FAM241A: variants seen among roughly 807,000 people sequenced by gnomAD.
FAM241A encodes uncharacterized protein FAM241A.
FAM241A carries 7 observed loss-of-function variants against 12.2 expected under a neutral mutation model. The observed-to-expected ratio is 0.58, with a 90% CI of 0.33 to 1.08. The LOEUF (loss-of-function observed/expected upper bound fraction) is 1.08. Among genes scored for constraint, FAM241A ranks in the 50% least tolerant of loss-of-function variants. The probability of loss-of-function intolerance (pLI) is 0.04; values close to 1 mark genes in which losing one functional copy is unlikely to be tolerated. For missense variants in FAM241A, 161 were observed against 169.7 expected, an observed-to-expected ratio of 0.95 and a Z score of 0.29; for synonymous variants, 74 against 68.2, an observed-to-expected ratio of 1.08 and a Z score of -0.42.
intron 1 of FAM241A, among the ~76,000 whole-genome samples, chr4:112,148,715 G>A (rs1475388272): frequency 6.6e-6 from 1 of 152,172 alleles, no homozygotes; most frequent in African/African-American, 2.4e-5. Context: ...TATATGTGTT[G>A]GTAATTGTGT....
Position 112,192,231 on chromosome 4 carries a change from CAAAAAGGATA to C in FAM241A, c.*5294_*5303del, listed in dbSNP as rs943069520. 9 of 151,952 alleles carry C rather than the reference CAAAAAGGATA, an allele frequency of 5.9e-5. No individual in the cohort carries two copies. The highest frequency in any genetic ancestry group is 2.2e-4 in the African/African-American group (9 of 41,354). The allele number at this position is 151,952 out of a possible 1,614,324, so 9.4% of individuals were successfully genotyped here. On this transcript the variant is annotated 3_prime_UTR_variant, in exon 2 of 2. Transcript: ENST00000309733. ...ATGTTTGGTTGATTCACTATTTTTC[CAAAAAGGATA>C]TTTTACAATACCTACGGTCACTGAT... is the stretch of plus-strand genomic sequence containing the variant.
rs183489467 is a variant in FAM241A at position 112,187,148 on chromosome 4, A to G, written c.*210A>G. On this transcript the variant is annotated 3_prime_UTR_variant, in exon 2 of 2. Coordinates refer to ENST00000309733, the MANE Select transcript of FAM241A (RefSeq NM_152400.3). ...ATATATTTTGAATATACATTAGCTT[A>G]TTCAAAACTCTTGTTTCACTACTGT... The G allele has an allele frequency of 6.0e-4, 332 of 551,918 alleles. 3 individuals are homozygous for G. In the East Asian group the frequency reaches 0.01, roughly 17 times the overall value. 34.2% of individuals were successfully genotyped at this position (551,918 alleles called of 1,614,324 possible). A position where few individuals can be genotyped will look rare whatever the true frequency, so the allele number is the denominator to read the frequency against.
At chr4:112,173,032 C>T (rs1723755196) in intron 1 of FAM241A, among the ~76,000 whole-genome samples, 1 of 152,098 alleles carries the variant, frequency 6.6e-6, no homozygotes, top group Non-Finnish European at 1.5e-5. Flanking sequence ...GGACTACAGG[C>T]ACACACCACC....
At position 112,187,655 on chromosome 4, in the gene FAM241A, T is replaced by C. The variant is rs999314345; in HGVS notation, c.*717T>C. ...TCAGACAATTTTGGTGCTAATTACTTTTTGTGAGTTTTTAAAGTCTCATAG... is the reference window on the plus strand; with the variant it reads ...TCAGACAATTTTGGTGCTAATTACTCTTTGTGAGTTTTTAAAGTCTCATAG... On this transcript the variant is annotated 3_prime_UTR_variant, in exon 2 of 2. Transcript: ENST00000309733. 1 of 152,134 alleles carries C rather than the reference T, an allele frequency of 6.6e-6. No homozygotes were observed. The highest frequency in any genetic ancestry group is 1.5e-5 in the Non-Finnish European group (1 of 67,786). 9.4% of individuals were successfully genotyped at this position (152,134 alleles called of 1,614,324 possible). A position where few individuals can be genotyped will look rare whatever the true frequency, so the allele number is the denominator to read the frequency against.
At chr4:112,171,592 G>C (rs1723721259) in intron 1 of FAM241A, 1 of 629,088 alleles carries the variant, frequency 1.6e-6, no homozygotes. Flanking sequence ...GGGTGCGGTG[G>C]CTCACGCCTG....
At chr4:112,179,352 TATACACC>T (rs1560585242) in intron 1 of FAM241A, among the ~76,000 whole-genome samples, 1 of 152,172 alleles carries the variant, frequency 6.6e-6, no homozygotes, top group Non-Finnish European at 1.5e-5. Flanking sequence ...ATGTGGCACA[TATACACC>T]ATGGAGTACT....
Position 112,188,467 on chromosome 4 carries a change from A to G in FAM241A, c.*1529A>G, listed in dbSNP as rs894419868. ...AGTCAGGGTCACTAAAAAGTATTGC[A>G]CATTTATATAAATACAGTCCTTTTA... On this transcript the variant is annotated 3_prime_UTR_variant, in exon 2 of 2. Transcript: ENST00000309733. 3 of 152,212 alleles carry G rather than the reference A, an allele frequency of 2.0e-5. No individual in the cohort carries two copies. The highest frequency in any genetic ancestry group is 7.2e-5 in the African/African-American group (3 of 41,466). The allele number at this position is 152,212 out of a possible 1,614,324, so 9.4% of individuals were successfully genotyped here. A position where few individuals can be genotyped will look rare whatever the true frequency, so the allele number is the denominator to read the frequency against.
chr4:112,184,749 AG>A (rs1724006267), intron 1 of FAM241A, among the ~76,000 whole-genome samples: 1 of 152,216 alleles, frequency 6.6e-6, no homozygotes, highest in Non-Finnish European at 1.5e-5. Context: ...AACAAAAGTT[AG>A]ATTTTTTTTC....
Position 112,191,395 on chromosome 4 carries a change from T to C in FAM241A, c.*4457T>C, listed in dbSNP as rs1943447399. The C allele has an allele frequency of 6.6e-6, 1 of 152,252 alleles. No individual in the cohort carries two copies. The allele number at this position is 152,252 out of a possible 1,614,324, so 9.4% of individuals were successfully genotyped here. On this transcript the variant is annotated 3_prime_UTR_variant, in exon 2 of 2. Coordinates refer to ENST00000309733, the MANE Select transcript of FAM241A (RefSeq NM_152400.3). ...TTCTAAAGAATTATTCTAACATGATTCTGATATCCTTGACCTAAATCTTTT... is the reference window on the plus strand; with the variant it reads ...TTCTAAAGAATTATTCTAACATGATCCTGATATCCTTGACCTAAATCTTTT...
chr4:112,163,520 CAAAAG>C (rs1185368274), intron 1 of FAM241A, among the ~76,000 whole-genome samples: 1 of 152,178 alleles, frequency 6.6e-6, no homozygotes. Context: ...AGACACTTCT[CAAAAG>C]AAGACATTTA....
intron 1 of FAM241A, among the ~76,000 whole-genome samples, chr4:112,159,191 C>T (rs1578371321): frequency 2.0e-5 from 3 of 152,176 alleles, no homozygotes; most frequent in Non-Finnish European, 2.9e-5. Context: ...CTGTGCCCCT[C>T]GGTTTGCTTT....
chr4:112,152,165 T>C (rs1486207400), intron 1 of FAM241A, among the ~76,000 whole-genome samples: 1 of 152,200 alleles, frequency 6.6e-6, no homozygotes, highest in Non-Finnish European at 1.5e-5. Flanking sequence ...TCATCCAGAC[T>C]GGAACTTCTA....
At chr4:112,178,234 GGC>G (rs1723862693) in intron 1 of FAM241A, among the ~76,000 whole-genome samples, 2 of 152,232 alleles carry the variant, frequency 1.3e-5, no homozygotes, top group South Asian at 4.1e-4. Context: ...TATCTTACAT[GGC>G]AAAAGGAATT....
In FAM241A at chr4:112,193,703, C is replaced by T. The variant is rs180781139; in HGVS notation, c.*6765C>T. 6.4e-3 allele frequency: 975 copies of T among 152,252 alleles called. 6 individuals are homozygous for T. The highest frequency in any genetic ancestry group is 0.034 in the Middle Eastern group (10 of 296). 9.4% of individuals were successfully genotyped at this position (152,252 alleles called of 1,614,324 possible). On this transcript the variant is annotated 3_prime_UTR_variant, in exon 2 of 2. Transcript: ENST00000309733. ...GAGGGCTCTTTTGTGTTCCATTGAT[C>T]TATATCTCTGTTTTGGTACCAGTAC...
At chr4:112,150,016 A>G (rs1353954989) in intron 1 of FAM241A, among the ~76,000 whole-genome samples, 17 of 152,014 alleles carry the variant, frequency 1.1e-4, no homozygotes, top group Non-Finnish European at 1.3e-4. Flanking sequence ...ATCTCTTTCT[A>G]TACATATTAA....
Position 112,187,017 on chromosome 4 carries a change from A to G in FAM241A, c.*79A>G. Reference sequence around the variant, plus strand: ...AAGTTATATATTTCACTTTTTGACAACCGAAAAAGTTTGCCTTGTTTCAAA... The same window carrying G: ...AAGTTATATATTTCACTTTTTGACAGCCGAAAAAGTTTGCCTTGTTTCAAA... On this transcript the variant is annotated 3_prime_UTR_variant, in exon 2 of 2. Coordinates refer to ENST00000309733, the MANE Select transcript of FAM241A (RefSeq NM_152400.3). 6.6e-7 allele frequency: 1 copy of G among 1,505,152 alleles called. No individual in the cohort carries two copies. Among genetic ancestry groups the G allele is most frequent in the Non-Finnish European group, 8.9e-7 (1 of 1,120,830 alleles). The allele number at this position is 1,505,152 out of a possible 1,614,324, so 93.2% of individuals were successfully genotyped here.
chr4:112,162,177 T>A (rs1226585248), intron 1 of FAM241A, among the ~76,000 whole-genome samples: 1 of 152,188 alleles, frequency 6.6e-6, no homozygotes, highest in African/African-American at 2.4e-5. Flanking sequence ...ATAAGAGCTA[T>A]TTATGACAGA....
At chr4:112,156,728 C>CT (rs1236310155) in intron 1 of FAM241A, among the ~76,000 whole-genome samples, 1 of 152,122 alleles carries the variant, frequency 6.6e-6, no homozygotes. Flanking sequence ...AGGAACATGT[C>CT]TTCTTATCAG....
At chr4:112,180,756 G>A (rs542617517) in intron 1 of FAM241A, among the ~76,000 whole-genome samples, 27 of 152,296 alleles carry the variant, frequency 1.8e-4, no homozygotes, top group Non-Finnish European at 3.4e-4. Flanking sequence ...AGGAGCCAAG[G>A]AATGTGGGCA....
Sources: allele counts gnomAD v4.1 joint callset (sites outside exome capture counted in the v4.1 genomes callset), GRCh38; gene constraint gnomAD v4.1.1; transcripts MANE v1.5; gene names NCBI Gene and HGNC (gene_info 2026-07-23, HGNC 2026-07-21).